Variants in WDFY3 observed in about 807,000 individuals in gnomAD.
The protein encoded by WDFY3 is WD repeat and FYVE domain containing 3, also known as WD repeat and FYVE domain-containing protein 3.
In WDFY3, 66 loss-of-function variants were observed where a neutral mutation model predicts 409.6. The observed-to-expected ratio is 0.16, with a 90% CI of 0.13 to 0.20. The LOEUF is 0.20. WDFY3 is among the 10% of genes least tolerant of loss of function. The pLI is 1.00. For synonymous variants in WDFY3, 1,521 were observed against 1,537.1 expected (o/e 0.99, Z 0.25); for missense variants, 3,031 against 4,298.1 (o/e 0.71, Z 8.24).
intron 35 of WDFY3, among the ~76,000 whole-genome samples, chr4:84,752,098 A>G (rs1389009780): frequency 6.6e-6 from 1 of 152,186 alleles, no homozygotes. Flanking sequence ...GCATAATGGT[A>G]GCATGTAAGG....
intron 30 of WDFY3, among the ~76,000 whole-genome samples, chr4:84,769,536 TC>T (rs1399901581): frequency 6.6e-6 from 1 of 152,048 alleles, no homozygotes; most frequent in East Asian, 1.9e-4. Flanking sequence ...TGCCTCAGCC[TC>T]CCGAGTAGCT....
intron 1 of WDFY3, among the ~76,000 whole-genome samples, chr4:84,950,960 CAA>C (rs1421779815): frequency 6.6e-6 from 1 of 152,130 alleles, no homozygotes. Context: ...CCTAAGGAGA[CAA>C]AGTGTAATGT....
intron 2 of WDFY3, among the ~76,000 whole-genome samples, chr4:84,919,951 T>C (rs1769050085): frequency 6.6e-6 from 1 of 152,174 alleles, no homozygotes; most frequent in South Asian, 2.1e-4. Flanking sequence ...ATAGATATGA[T>C]ATGCTCAGAA....
intron 2 of WDFY3, among the ~76,000 whole-genome samples, chr4:84,910,969 C>T (rs1027251184): frequency 2.6e-5 from 4 of 151,880 alleles, no homozygotes; most frequent in African/African-American, 9.7e-5. Flanking sequence ...ATCCACCTGC[C>T]TCGGCCTCCC....
In WDFY3 at chr4:84,724,571, G is replaced by A. The variant is rs757185143; in HGVS notation, c.7296C>T (p.Ala2432=). The A allele has an allele frequency of 1.1e-5, 17 of 1,612,532 alleles. No individual in the cohort carries two copies. The highest frequency in any genetic ancestry group is 1.3e-5 in the African/African-American group (1 of 74,814). Residue 2432 remains alanine, a synonymous_variant, in exon 46 of 68, where the codon GCC becomes GCT. Transcript: ENST00000295888. ...AGTACTCTTTACTGTCATAACTTAC[G>A]GCTCTTCTATATCGAGCAGGTTTCT... The part of the protein sequence containing the change: ...PQKKPARYRR[A]VSYDSKEYYM...
At chr4:84,675,921 C>A (rs766189312) in intron 67 of WDFY3, among the ~76,000 whole-genome samples, 3 of 151,876 alleles carry the variant, frequency 2.0e-5, no homozygotes, top group Middle Eastern at 3.2e-3. Flanking sequence ...CATGTTATAC[C>A]CCAAAATAAA....
chr4:84,674,845 G>A (rs887156347), intron 67 of WDFY3, among the ~76,000 whole-genome samples: 1 of 151,728 alleles, frequency 6.6e-6, no homozygotes, highest in African/African-American at 2.4e-5. Flanking sequence ...TCCAGCCTGG[G>A]TGACAGAGTG....
intron 50 of WDFY3, among the ~76,000 whole-genome samples, chr4:84,714,936 C>T (rs1237741285): frequency 1.0e-4 from 14 of 140,590 alleles, no homozygotes; most frequent in African/African-American, 2.2e-4. Context: ...GGCGACAGAA[C>T]GAGACTCCGT....
At position 84,887,801 on chromosome 4, in the gene WDFY3, T is replaced by C. The variant is rs990592683; in HGVS notation, c.-32+9110A>G. On this transcript the variant is annotated intron_variant, in intron 3 of 67. Transcript: ENST00000295888. Reference sequence around the variant, plus strand: ...ATTAAATGGAAGCTCTTTGTCTTTATGAAATACCTTTACTTATGAAAGCAA... The same window carrying C: ...ATTAAATGGAAGCTCTTTGTCTTTACGAAATACCTTTACTTATGAAAGCAA... 2.6e-5 allele frequency among the ~76,000 whole-genome samples: 4 copies of C among 152,220 alleles called. No individual in the cohort carries two copies. In the East Asian group the frequency reaches 5.8e-4, roughly 22 times the overall value.
chr4:84,680,557 T>C (rs1273303386), intron 64 of WDFY3, among the ~76,000 whole-genome samples: 1 of 152,216 alleles, frequency 6.6e-6, no homozygotes, highest in African/African-American at 2.4e-5. Context: ...CTCTACTCTC[T>C]TGCAATAAAG....
Position 84,849,640 on chromosome 4 carries a change from G to T in WDFY3, c.304+262C>A, listed in dbSNP as rs559430010. 1.8e-4 allele frequency: 37 copies of T among 207,336 alleles called. 1 individual carries two copies. The South Asian group carries it at 1.8e-3, about 10-fold the overall frequency. The allele number at this position is 207,336 out of a possible 1,614,324, so 12.8% of individuals were successfully genotyped here. A position where few individuals can be genotyped will look rare whatever the true frequency, so the allele number is the denominator to read the frequency against. Reference sequence around the variant, plus strand: ...TTTCATGCTGAGGAATTTGTATTTTGCTCAAAGGGAAACAGAGTATTTTAA... The same window carrying T: ...TTTCATGCTGAGGAATTTGTATTTTTCTCAAAGGGAAACAGAGTATTTTAA... On this transcript the variant is annotated intron_variant, in intron 5 of 67. Coordinates refer to ENST00000295888, the MANE Select transcript of WDFY3 (RefSeq NM_014991.6).
At chr4:84,809,643 A>AT (rs1430421859) in intron 14 of WDFY3, 2 of 387,260 alleles carry the variant, frequency 5.2e-6, no homozygotes, top group Admixed American at 8.4e-5. Flanking sequence ...AACTGTTCCA[A>AT]TAACTGCAAT....
chr4:84,684,178 T>C, intron 62 of WDFY3, 53 bp from the exon 63 acceptor site: 1 of 1,447,518 alleles, frequency 6.9e-7, no homozygotes, highest in Non-Finnish European at 9.2e-7. Flanking sequence ...AATTACCTTC[T>C]GGTTTCTGAA....
Position 84,820,189 on chromosome 4 carries a change from A to G in WDFY3, c.1592-3T>C. The G allele has an allele frequency of 6.3e-7, 1 of 1,590,318 alleles. No homozygotes were observed. The highest frequency in any genetic ancestry group is 1.1e-5 in the South Asian group (1 of 87,148). ...TGAACTATTATTTCTTGAGTCCCCT[A>G]AAAAAAGGTTCAAAGGTCCAAATTA... On this transcript the variant is annotated splice_polypyrimidine_tract_variant and splice_region_variant and intron_variant, in intron 11 of 67. Transcript: ENST00000295888.
In WDFY3 at chr4:84,741,808, T is replaced by C. The variant is rs1477482041; in HGVS notation, c.6187A>G (p.Lys2063Glu). The C allele has an allele frequency of 2.5e-6, 4 of 1,613,070 alleles. No individual in the cohort carries two copies. The South Asian group carries it at 3.3e-5, about 13-fold the overall frequency. ...AAATCTATAAGAAGTTTAGATTCTTTGTTGAACATGCCTTGCCAAAGCTTG... is the reference window on the plus strand; with the variant it reads ...AAATCTATAAGAAGTTTAGATTCTTCGTTGAACATGCCTTGCCAAAGCTTG... ...VDKLWQGMFN[K>E]ESKLLIDFII... is the part of the protein sequence containing the mutation. Residue 2063 changes from lysine (K) to glutamate (E), a missense_variant, in exon 38 of 68, where the codon AAA becomes GAA. Around this residue, in one of 16 missense-constraint regions of WDFY3, gnomAD observed 314 missense variants for 397.4 expected, o/e 0.79. Transcript: ENST00000295888.
chr4:84,865,766 T>C (rs1274414736), intron 3 of WDFY3, among the ~76,000 whole-genome samples: 2 of 152,140 alleles, frequency 1.3e-5, no homozygotes, highest in Non-Finnish European at 1.5e-5. Context: ...GTCTGACACG[T>C]TGCTCTTTTA....
rs376706945 is a variant in WDFY3 at position 84,755,306 on chromosome 4, A to C, written c.5519T>G (p.Val1840Gly). The change falls in exon 34 of 68, where the codon GTT becomes GGT. Residue 1840 changes from valine (V) to glycine (G), a missense_variant. Physicochemically the swap from Val to Gly is moderately radical, Grantham distance 109 (BLOSUM62 -3). Around this residue, in one of 16 missense-constraint regions of WDFY3, gnomAD observed 342 missense variants for 463.7 expected, o/e 0.74. Coordinates refer to ENST00000295888, the MANE Select transcript of WDFY3 (RefSeq NM_014991.6). ...SSIHNVCTEA[V>G]FLLLGMLRSM... The stretch of plus-strand genomic sequence containing the variant: ...GCGGAGCATTCCCAATAATAAAAAA[A>C]CAGCTTCTGTGCATACGTTATGGAT... The C allele has an allele frequency of 6.2e-7, 1 of 1,613,316 alleles. No homozygotes were observed. The highest frequency in any genetic ancestry group is 8.5e-7 in the Non-Finnish European group (1 of 1,179,816).
At chr4:84,889,978 C>T (rs1378045513) in intron 3 of WDFY3, among the ~76,000 whole-genome samples, 2 of 152,156 alleles carry the variant, frequency 1.3e-5, no homozygotes, top group South Asian at 2.1e-4. Context: ...GTACCTTGCT[C>T]CTGTAATGGG....
At chr4:84,844,614 G>T in intron 5 of WDFY3, 1 of 953,584 alleles carries the variant, frequency 1.0e-6, no homozygotes, top group Non-Finnish European at 1.4e-6. Flanking sequence ...CTCCATTGCT[G>T]GATTGCTGCC....
Sources: gnomAD v4.1 joint callset for allele counts (sites outside exome capture counted in the v4.1 genomes callset) on GRCh38, gnomAD v4.1.1 for gene constraint, gnomAD v4.1.1 regional missense constraint, MANE v1.5 for transcripts, NCBI Gene and HGNC (gene_info 2026-07-23, HGNC 2026-07-21) for gene names.